Variants in RGS6 observed in about 807,000 individuals in gnomAD.
The protein encoded by RGS6 is regulator of G-protein signaling 6.
In RGS6, 30 loss-of-function variants were observed where a neutral mutation model predicts 78.5. The ratio of observed to expected loss-of-function variants is 0.38; its 90% confidence interval spans 0.29 to 0.52. The LOEUF (loss-of-function observed/expected upper bound fraction) is 0.52. Among genes scored for constraint, RGS6 ranks in the 20% least tolerant of loss-of-function variants. The pLI is 0.85. For synonymous variants in RGS6, 206 were observed against 206.0 expected (o/e 1.00, Z 0.00); for missense variants, 495 against 609.7 (o/e 0.81, Z 1.98).
intron 2 of RGS6, among the ~76,000 whole-genome samples, chr14:72,023,254 T>G (rs1482703502): frequency 6.6e-6 from 1 of 152,226 alleles, no homozygotes; most frequent in Non-Finnish European, 1.5e-5. Flanking sequence ...TGGAAATATA[T>G]TTGGTGGAGC....
At chr14:72,170,191 T>C (rs1466913034) in intron 2 of RGS6, among the ~76,000 whole-genome samples, 1 of 152,182 alleles carries the variant, frequency 6.6e-6, no homozygotes, top group Non-Finnish European at 1.5e-5. Flanking sequence ...CTACAATGTA[T>C]CCCCTTCTTA....
intron 2 of RGS6, among the ~76,000 whole-genome samples, chr14:72,326,365 A>C (rs961198604): frequency 3.9e-5 from 6 of 152,186 alleles, no homozygotes; most frequent in Non-Finnish European, 8.8e-5. Flanking sequence ...ATACTGATAG[A>C]GTTTGGATAT....
At chr14:71,880,528 C>T in the RGS6 span, among the ~76,000 whole-genome samples, 1 of 152,186 alleles carries the variant, frequency 6.6e-6, no homozygotes, top group East Asian at 1.9e-4. Flanking sequence ...GTGCCCCTTG[C>T]CTCAGCCACT....
chr14:72,124,602 T>C (rs11158949), intron 2 of RGS6, among the ~76,000 whole-genome samples: 77,888 of 152,046 alleles, frequency 0.51, 20,396 homozygotes, highest in Admixed American at 0.59. Context: ...CCATTCATTG[T>C]TGGCGAACAC....
intron 2 of RGS6, among the ~76,000 whole-genome samples, chr14:72,162,970 T>C (rs1031752385): frequency 2.0e-4 from 30 of 152,306 alleles, no homozygotes; most frequent in Admixed American, 1.8e-3. Context: ...ACATCATATG[T>C]TCTCACTCAT....
chr14:71,902,228 A>G, the RGS6 span, among the ~76,000 whole-genome samples: 4 of 152,240 alleles, frequency 2.6e-5, no homozygotes, highest in Non-Finnish European at 4.4e-5. Flanking sequence ...TTAAAAAAAT[A>G]TAAGCGATTC....
chr14:72,318,056 G>A (rs563793736), intron 2 of RGS6, among the ~76,000 whole-genome samples: 4 of 152,218 alleles, frequency 2.6e-5, no homozygotes, highest in African/African-American at 7.2e-5. Context: ...AGCAGAGGCT[G>A]CCCCACCCCA....
intron 3 of RGS6, among the ~76,000 whole-genome samples, chr14:72,365,162 T>G (rs1190947822): frequency 6.6e-6 from 1 of 152,164 alleles, no homozygotes; most frequent in Non-Finnish European, 1.5e-5. Flanking sequence ...CAAGAAACTC[T>G]AAATGGAAAG....
In RGS6 at chr14:72,497,665, A is replaced by G. The variant is rs143941010; in HGVS notation, c.965+2403A>G. Among the ~76,000 whole-genome samples the G allele has an allele frequency of 4.7e-3, 716 of 152,266 alleles. 1 individual carries two copies. Among genetic ancestry groups the G allele is most frequent in the Middle Eastern group, 0.014 (4 of 294 alleles). On this transcript the variant is annotated intron_variant, in intron 13 of 17. Transcript: ENST00000553525. ...CTTAAATCCCATTCTTCCCAGAGGT[A>G]TGTTAACTTGATATATTTTAAACCA...
chr14:72,073,882 T>C (rs975511832), intron 2 of RGS6, among the ~76,000 whole-genome samples: 2 of 152,200 alleles, frequency 1.3e-5, no homozygotes, highest in Non-Finnish European at 2.9e-5. Context: ...ATTACTATTA[T>C]TGGATATTCT....
At chr14:72,627,460 T>C in the RGS6 span, among the ~76,000 whole-genome samples, 1 of 152,106 alleles carries the variant, frequency 6.6e-6, no homozygotes, top group Non-Finnish European at 1.5e-5. Flanking sequence ...TGTATTTCCA[T>C]ATGTAGTTGG....
chr14:71,873,715 C>T, the RGS6 span, among the ~76,000 whole-genome samples: 2 of 152,094 alleles, frequency 1.3e-5, no homozygotes, highest in East Asian at 1.9e-4. Context: ...AAGTCCTTGC[C>T]CATGCCTATG....
intron 3 of RGS6, among the ~76,000 whole-genome samples, chr14:72,453,985 A>G (rs889775659): frequency 2.0e-5 from 3 of 152,254 alleles, no homozygotes; most frequent in African/African-American, 7.2e-5. Context: ...TCCATATCTA[A>G]GTGCAGGGGA....
At chr14:72,387,743 A>G (rs980375080) in intron 3 of RGS6, among the ~76,000 whole-genome samples, 3 of 152,222 alleles carry the variant, frequency 2.0e-5, no homozygotes, top group African/African-American at 7.2e-5. Context: ...ATGGAGTATT[A>G]GTTTGCCAGC....
chr14:72,072,847 G>A (rs2094454277), intron 2 of RGS6, among the ~76,000 whole-genome samples: 1 of 152,178 alleles, frequency 6.6e-6, no homozygotes, highest in Non-Finnish European at 1.5e-5. Flanking sequence ...GTAATTATTA[G>A]AGCAATAGGT....
At chr14:72,058,935 G>C (rs530972486) in intron 2 of RGS6, among the ~76,000 whole-genome samples, 1 of 151,966 alleles carries the variant, frequency 6.6e-6, no homozygotes, top group Non-Finnish European at 1.5e-5. Flanking sequence ...ACAGAGTCTC[G>C]CTCTGTTGCC....
intron 2 of RGS6, among the ~76,000 whole-genome samples, chr14:72,129,565 C>T (rs2096272255): frequency 6.6e-6 from 1 of 152,176 alleles, no homozygotes; most frequent in African/African-American, 2.4e-5. Flanking sequence ...TTCTCCTTGA[C>T]ATCTGTTCTG....
chr14:72,561,452 T>A (rs1018941064), intron 17 of RGS6, among the ~76,000 whole-genome samples: 7 of 152,226 alleles, frequency 4.6e-5, no homozygotes, highest in Non-Finnish European at 8.8e-5. Context: ...CCCTGTGCAA[T>A]GATGCGGATT....
chr14:72,027,056 C>T (rs561216927), intron 2 of RGS6, among the ~76,000 whole-genome samples: 12 of 152,088 alleles, frequency 7.9e-5, no homozygotes, highest in South Asian at 4.2e-4. Context: ...AGGATGCCTG[C>T]GTGTCTGGGG....
Sources: gnomAD v4.1 joint callset for allele counts (sites outside exome capture counted in the v4.1 genomes callset) on GRCh38, gnomAD v4.1.1 for gene constraint, MANE v1.5 for transcripts, NCBI Gene and HGNC (gene_info 2026-07-23, HGNC 2026-07-21) for gene names.